The following ADAMTS4 variants were observed in gnomAD, a reference collection of about 807,000 sequenced individuals.
The protein encoded by ADAMTS4 is A disintegrin and metalloproteinase with thrombospondin motifs 4.
ADAMTS4 carries 38 observed loss-of-function variants against 66.7 expected under a neutral mutation model. The observed-to-expected ratio is 0.57, with a 90% CI of 0.44 to 0.75. ADAMTS4 has a LOEUF of 0.75. ADAMTS4 is among the 30% of genes least tolerant of loss of function. ADAMTS4 has a pLI of 0.00. For missense variants in ADAMTS4, 1,014 were observed against 1,116.7 expected (o/e 0.91, Z 1.31); for synonymous variants, 418 against 461.5 (o/e 0.91, Z 1.21).
chr1:161,192,124 CATGCACT>C lies in ADAMTS4; in HGVS notation c.2021_2027del (p.Lys674ArgfsTer54). On this transcript the variant is annotated frameshift_variant, in exon 8 of 9. Coordinates refer to ENST00000367996, the MANE Select transcript of ADAMTS4 (RefSeq NM_005099.6). LOFTEE classifies it high-confidence loss of function. ...AACCAGAACCGTCCCCTCCGCACAC[CATGCACT>C]TGTCAAACTTCTTCTTGGAGCCAAT... 1.2e-6 allele frequency: 2 copies of C among 1,614,136 alleles called. No individual in the cohort carries two copies. Among genetic ancestry groups the C allele is most frequent in the Non-Finnish European group, 8.5e-7 (1 of 1,180,038 alleles).
In ADAMTS4 at chr1:161,193,286, A is replaced by T; in HGVS notation, c.1838T>A (p.Val613Glu). 1 of 1,614,086 alleles carries T rather than the reference A, an allele frequency of 6.2e-7. No homozygotes were observed. The highest frequency in any genetic ancestry group is 1.3e-5 in the African/African-American group (1 of 75,022). Residue 613 changes from valine (V) to glutamate (E), a missense_variant, in exon 7 of 9, where the codon GTG (valine) becomes GAG (glutamate). Transcript: ENST00000367996. The surrounding 1 kb of genome is among the most constrained non-coding windows in gnomAD (Gnocchi z 4.4). ...PMDWVPRYTG[V>E]APQDQCKLTC... is the part of the protein sequence containing the mutation. ...GAGTTTGCACTGGTCCTGGGGGGCC[A>T]CGCCTGTGTAGCGAGGAACCCAGTC...
chr1:161,198,733 T>G lies in ADAMTS4; in HGVS notation c.-106A>C. On this transcript the variant is annotated 5_prime_UTR_variant, in exon 1 of 9. Transcript: ENST00000367996. The surrounding 1 kb of genome is among the most constrained non-coding windows in gnomAD (Gnocchi z 4.7). Reference sequence around the variant, plus strand: ...TCTGTAGCCTGGGGGCTTGGACTCCTGCCAAGGTCAGAGGCAAAGTTTTCA... The same window carrying G: ...TCTGTAGCCTGGGGGCTTGGACTCCGGCCAAGGTCAGAGGCAAAGTTTTCA... 1 of 1,131,720 alleles carries G rather than the reference T, an allele frequency of 8.8e-7. No individual in the cohort carries two copies. Among genetic ancestry groups the G allele is most frequent in the Non-Finnish European group, 1.2e-6 (1 of 825,206 alleles). 70.1% of individuals were successfully genotyped at this position (1,131,720 alleles called of 1,614,324 possible).
In ADAMTS4 at chr1:161,193,150, G is replaced by A; in HGVS notation, c.1911+63C>T. On this transcript the variant is annotated intron_variant, in intron 7 of 8. Coordinates refer to ENST00000367996, the MANE Select transcript of ADAMTS4 (RefSeq NM_005099.6). This position sits in a 1 kb window ranked among gnomAD's most constrained non-coding sequence, Gnocchi z 4.4. Reference sequence around the variant, plus strand: ...TTTGGGTGATCTTTGTTATCAGAAAGCAGAGGGAGCACTGCGGGTGTGTGT... The same window carrying A: ...TTTGGGTGATCTTTGTTATCAGAAAACAGAGGGAGCACTGCGGGTGTGTGT... The A allele has an allele frequency of 6.6e-7, 1 of 1,512,728 alleles. No individual in the cohort carries two copies. The allele number at this position is 1,512,728 out of a possible 1,614,324, so 93.7% of individuals were successfully genotyped here.
rs1664654372 is a variant in ADAMTS4 at position 161,190,890 on chromosome 1, G to A, written c.*248C>T. On this transcript the variant is annotated 3_prime_UTR_variant, in exon 9 of 9. Coordinates refer to ENST00000367996, the MANE Select transcript of ADAMTS4 (RefSeq NM_005099.6). Reference sequence around the variant, plus strand: ...TTCCCCCTCCCTCCTGTGACCCGCAGGGCAGAGGGGGCAGTTTAGATGGAG... The same window carrying A: ...TTCCCCCTCCCTCCTGTGACCCGCAAGGCAGAGGGGGCAGTTTAGATGGAG... 9.1e-6 allele frequency: 4 copies of A among 440,226 alleles called. No individual in the cohort carries two copies. The East Asian group carries it at 1.0e-4, about 11-fold the overall frequency. 27.3% of individuals were successfully genotyped at this position (440,226 alleles called of 1,614,324 possible). A position where few individuals can be genotyped will look rare whatever the true frequency, so the allele number is the denominator to read the frequency against.
rs1664594305 is a variant in ADAMTS4 at position 161,188,827 on chromosome 1, C to T, written c.*2311G>A. Reference sequence around the variant, plus strand: ...CTGCCTCCCGGGTGCAAGTCATTCTCCTGCCTCAGTCTCCCAAGTAGCTGG... The same window carrying T: ...CTGCCTCCCGGGTGCAAGTCATTCTTCTGCCTCAGTCTCCCAAGTAGCTGG... On this transcript the variant is annotated 3_prime_UTR_variant, in exon 9 of 9. Transcript: ENST00000367996. The T allele has an allele frequency of 6.9e-6, 1 of 145,004 alleles. No individual in the cohort carries two copies. Among genetic ancestry groups the T allele is most frequent in the Non-Finnish European group, 1.5e-5 (1 of 66,622 alleles). 9.0% of individuals were successfully genotyped at this position (145,004 alleles called of 1,614,324 possible). A position where few individuals can be genotyped will look rare whatever the true frequency, so the allele number is the denominator to read the frequency against.
intron 8 of ADAMTS4, 108 bp from the exon 9 acceptor site, chr1:161,191,672 C>T (rs1051308760): frequency 6.8e-6 from 8 of 1,173,734 alleles, no homozygotes; most frequent in Non-Finnish European, 9.6e-6. Flanking sequence ...ATGGCTGTCA[C>T]CCAATCCTAT....
chr1:161,185,512 C>G lies in ADAMTS4; in HGVS notation c.*5626G>C, dbSNP rs908753744. 1 of 151,936 alleles carries G rather than the reference C, an allele frequency of 6.6e-6. No individual in the cohort carries two copies. The highest frequency in any genetic ancestry group is 1.5e-5 in the Non-Finnish European group (1 of 68,006). The allele number at this position is 151,936 out of a possible 1,614,324, so 9.4% of individuals were successfully genotyped here. ...TTCCTCCAGCTGTCATCTGGTTTCT[C>G]GTGGTGCCAATGATTTTGGCTTGGC... On this transcript the variant is annotated 3_prime_UTR_variant, in exon 9 of 9. Transcript: ENST00000367996.
Position 161,193,143 on chromosome 1 carries a change from T to A in ADAMTS4, c.1911+70A>T. On this transcript the variant is annotated intron_variant, in intron 7 of 8. Coordinates refer to ENST00000367996, the MANE Select transcript of ADAMTS4 (RefSeq NM_005099.6). The surrounding 1 kb of genome is among the most constrained non-coding windows in gnomAD (Gnocchi z 4.4). Reference sequence around the variant, plus strand: ...GGGTTACTTTGGGTGATCTTTGTTATCAGAAAGCAGAGGGAGCACTGCGGG... The same window carrying A: ...GGGTTACTTTGGGTGATCTTTGTTAACAGAAAGCAGAGGGAGCACTGCGGG... 6.7e-7 allele frequency: 1 copy of A among 1,491,620 alleles called. No homozygotes were observed. Among genetic ancestry groups the A allele is most frequent in the East Asian group, 2.4e-5 (1 of 41,516 alleles). The allele number at this position is 1,491,620 out of a possible 1,614,324, so 92.4% of individuals were successfully genotyped here.
rs1455197391 is a variant in ADAMTS4, at chr1:161,188,730, T to C, written c.*2408A>G. On this transcript the variant is annotated 3_prime_UTR_variant, in exon 9 of 9. Coordinates refer to ENST00000367996, the MANE Select transcript of ADAMTS4 (RefSeq NM_005099.6). ...CCATATCCTGTTTTTGTTTTTGTTTTTGTATCGAGACGAGTCTCACTCTGT... is the reference window on the plus strand; with the variant it reads ...CCATATCCTGTTTTTGTTTTTGTTTCTGTATCGAGACGAGTCTCACTCTGT... 2 of 150,512 alleles carry C rather than the reference T, an allele frequency of 1.3e-5. No homozygotes were observed. Among genetic ancestry groups the C allele is most frequent in the African/African-American group, 4.9e-5 (2 of 40,886 alleles). 9.3% of individuals were successfully genotyped at this position (150,512 alleles called of 1,614,324 possible).
chr1:161,192,465 T>G (rs1265523316), intron 7 of ADAMTS4, among the ~76,000 whole-genome samples: 1 of 152,072 alleles, frequency 6.6e-6, no homozygotes, highest in Non-Finnish European at 1.5e-5. Flanking sequence ...GCACTGAGTA[T>G]GAATCAGGCA....
rs1664759199 is a variant in ADAMTS4, at chr1:161,194,215, C to T, written c.1268G>A (p.Cys423Tyr). The T allele has an allele frequency of 1.9e-6, 3 of 1,612,352 alleles. No homozygotes were observed. Among genetic ancestry groups the T allele is most frequent in the Non-Finnish European group, 1.7e-6 (2 of 1,178,632 alleles). The change falls in exon 5 of 9, where the codon TGT becomes TAT. Residue 423 changes from cysteine to tyrosine, a missense_variant. Physicochemically the swap from Cys to Tyr is radical, Grantham distance 194. Coordinates refer to ENST00000367996, the MANE Select transcript of ADAMTS4 (RefSeq NM_005099.6). The surrounding 1 kb of genome is among the most constrained non-coding windows in gnomAD (Gnocchi z 4.1). ...TDFLDNGYGH[C>Y]LLDKPEAPLH... is the part of the protein sequence containing the mutation. ...TGGAGCCTCTGGTTTGTCTAAGAGACAGTGCCCTGGGAAGGGGGTTGGGGC... is the reference window on the plus strand; with the variant it reads ...TGGAGCCTCTGGTTTGTCTAAGAGATAGTGCCCTGGGAAGGGGGTTGGGGC...
intron 1 of ADAMTS4, 146 bp from the exon 2 acceptor site, chr1:161,197,026 G>A (rs909791253): frequency 9.0e-6 from 7 of 776,372 alleles, no homozygotes; most frequent in Admixed American, 5.5e-5. Flanking sequence ...GACTCCTGGC[G>A]GGTCTTGGTT....
chr1:161,198,731 C>T lies in ADAMTS4; in HGVS notation c.-104G>A, dbSNP rs916216377. ...TCTCTGTAGCCTGGGGGCTTGGACT[C>T]CTGCCAAGGTCAGAGGCAAAGTTTT... On this transcript the variant is annotated 5_prime_UTR_variant, in exon 1 of 9. Coordinates refer to ENST00000367996, the MANE Select transcript of ADAMTS4 (RefSeq NM_005099.6). The surrounding 1 kb of genome is among the most constrained non-coding windows in gnomAD (Gnocchi z 4.7). 2 of 1,142,538 alleles carry T rather than the reference C, an allele frequency of 1.8e-6. No homozygotes were observed. Among genetic ancestry groups the T allele is most frequent in the African/African-American group, 3.1e-5 (2 of 63,980 alleles). The allele number at this position is 1,142,538 out of a possible 1,614,324, so 70.8% of individuals were successfully genotyped here.
chr1:161,196,918 C>T, intron 1 of ADAMTS4, 38 bp from the exon 2 acceptor site: 1 of 1,534,308 alleles, frequency 6.5e-7, no homozygotes, highest in Non-Finnish European at 8.8e-7. Flanking sequence ...CTGAAATAGC[C>T]TCTCAGACCC....
chr1:161,198,279 C>G lies in ADAMTS4; in HGVS notation c.349G>C (p.Glu117Gln). Reference protein sequence around the residue: ...LTVQYLGQAPELLGGAEPGTY... With the variant: ...LTVQYLGQAPQLLGGAEPGTY... ...CCAGGCTCTGCTCCACCCAGCAGCT[C>G]AGGCGCCTGGCCCAGGTACTGCACT... The change falls in exon 1 of 9, where the codon GAG becomes CAG. Residue 117 changes from glutamate to glutamine, a missense_variant. Transcript: ENST00000367996. This position sits in a 1 kb window ranked among gnomAD's most constrained non-coding sequence, Gnocchi z 4.7. 6.2e-7 allele frequency: 1 copy of G among 1,613,878 alleles called. No homozygotes were observed. Among genetic ancestry groups the G allele is most frequent in the Non-Finnish European group, 8.5e-7 (1 of 1,180,022 alleles).
At position 161,190,951 on chromosome 1, in the gene ADAMTS4, C is replaced by T; in HGVS notation, c.*187G>A. On this transcript the variant is annotated 3_prime_UTR_variant, in exon 9 of 9. Transcript: ENST00000367996. ...CAGCCCCTTCCATCCACTAACCCAT[C>T]ACTGCCTCCCAGGGCAGGAAACCAG... 1.6e-6 allele frequency: 1 copy of T among 619,124 alleles called. No homozygotes were observed. Among genetic ancestry groups the T allele is most frequent in the Non-Finnish European group, 2.6e-6 (1 of 378,948 alleles). 38.4% of individuals were successfully genotyped at this position (619,124 alleles called of 1,614,324 possible). A position where few individuals can be genotyped will look rare whatever the true frequency, so the allele number is the denominator to read the frequency against.
Position 161,194,905 on chromosome 1 carries a change from G to C in ADAMTS4, c.1261+560C>G, listed in dbSNP as rs1664774010. Among the ~76,000 whole-genome samples, 1 of 152,214 alleles carries C rather than the reference G, an allele frequency of 6.6e-6. No homozygotes were observed. Among genetic ancestry groups the C allele is most frequent in the Admixed American group, 6.5e-5 (1 of 15,288 alleles). ...GCTTAAAGAACAGAATAAGAGGCCA[G>C]GCATGGTGGCTTAATGTCTGTAATC... On this transcript the variant is annotated intron_variant, in intron 4 of 8. Coordinates refer to ENST00000367996, the MANE Select transcript of ADAMTS4 (RefSeq NM_005099.6). The surrounding 1 kb of genome is among the most constrained non-coding windows in gnomAD (Gnocchi z 4.1).
In ADAMTS4 at chr1:161,191,126, G is replaced by A. The variant is rs750256063; in HGVS notation, c.*12C>T. The A allele has an allele frequency of 1.2e-5, 18 of 1,529,448 alleles. No individual in the cohort carries two copies. Among genetic ancestry groups the A allele is most frequent in the Admixed American group, 6.1e-5 (3 of 48,832 alleles). 94.7% of individuals were successfully genotyped at this position (1,529,448 alleles called of 1,614,324 possible). On this transcript the variant is annotated 3_prime_UTR_variant, in exon 9 of 9. Coordinates refer to ENST00000367996, the MANE Select transcript of ADAMTS4 (RefSeq NM_005099.6). ...GCCCCGGTGCCCAGAAAGGGCAGCCGGGATAGTGAGGTTATTTCCTGCCCG... is the reference window on the plus strand; with the variant it reads ...GCCCCGGTGCCCAGAAAGGGCAGCCAGGATAGTGAGGTTATTTCCTGCCCG...
rs1450567793 is a variant in ADAMTS4 at position 161,185,554 on chromosome 1, G to A, written c.*5584C>T. Reference sequence around the variant, plus strand: ...TGGCTTGGCCCCAGCAACAGTCAATGGGGAAGGTACTCAATTGGTTCAGAA... The same window carrying A: ...TGGCTTGGCCCCAGCAACAGTCAATAGGGAAGGTACTCAATTGGTTCAGAA... On this transcript the variant is annotated 3_prime_UTR_variant, in exon 9 of 9. Transcript: ENST00000367996. The A allele has an allele frequency of 6.6e-6, 1 of 152,078 alleles. No individual in the cohort carries two copies. Among genetic ancestry groups the A allele is most frequent in the African/African-American group, 2.4e-5 (1 of 41,376 alleles). 9.4% of individuals were successfully genotyped at this position (152,078 alleles called of 1,614,324 possible).
Sources: allele counts gnomAD v4.1 joint callset (sites outside exome capture counted in the v4.1 genomes callset), GRCh38; gene constraint gnomAD v4.1.1; non-coding constraint Gnocchi (gnomAD v3.1); transcripts MANE v1.5; gene names NCBI Gene and HGNC (gene_info 2026-07-23, HGNC 2026-07-21).